YES1: variants seen among roughly 807,000 people sequenced by gnomAD.
YES1 encodes the protein tyrosine-protein kinase Yes.
A neutral mutation model predicts 70.4 loss-of-function variants in YES1; 39 were observed. The observed-to-expected ratio is 0.55, with a 90% confidence interval of 0.43 to 0.72. The LOEUF is 0.72. YES1 is among the 30% of genes least tolerant of loss of function. YES1 has a pLI of 0.00. For missense variants in YES1, 495 were observed against 644.8 expected, an observed-to-expected ratio of 0.77 and a Z score of 2.52; for synonymous variants, 198 against 218.6, an observed-to-expected ratio of 0.91 and a Z score of 0.83.
At chr18:746,603 CAA>C (rs1225343426) in intron 4 of YES1, among the ~76,000 whole-genome samples, 2 of 152,090 alleles carry the variant, frequency 1.3e-5, no homozygotes, top group African/African-American at 4.8e-5. Context: ...CATAGTAGAA[CAA>C]AGAGTTATTG....
intron 1 of YES1, among the ~76,000 whole-genome samples, chr18:800,268 C>G (rs1182162420): frequency 6.6e-6 from 1 of 152,196 alleles, no homozygotes; most frequent in Admixed American, 6.5e-5. Context: ...CATGTTCCTA[C>G]AATCAAAAAT....
chr18:783,916 T>C (rs1474550881), intron 1 of YES1, among the ~76,000 whole-genome samples: 1 of 152,166 alleles, frequency 6.6e-6, no homozygotes, highest in Non-Finnish European at 1.5e-5. Flanking sequence ...ACCTAGCTCA[T>C]TAATTTTTCA....
chr18:765,287 T>C (rs2145764507), intron 1 of YES1, among the ~76,000 whole-genome samples: 1 of 130,898 alleles, frequency 7.6e-6, no homozygotes, highest in South Asian at 2.4e-4. Flanking sequence ...TATATATATA[T>C]ATATATCTGT....
At chr18:761,529 T>C (rs1445483747) in intron 1 of YES1, among the ~76,000 whole-genome samples, 1 of 152,114 alleles carries the variant, frequency 6.6e-6, no homozygotes, top group African/African-American at 2.4e-5. Flanking sequence ...CCAGCTTAAT[T>C]CCTCATCCTC....
intron 8 of YES1, 60 bp downstream of exon 8, chr18:742,858 C>T (rs9961743): frequency 0.54 from 751,141 of 1,403,490 alleles, 203,121 homozygotes; most frequent in East Asian, 0.69. Flanking sequence ...TATATGCATA[C>T]AAATCAAGAC....
intron 1 of YES1, among the ~76,000 whole-genome samples, chr18:783,761 G>A (rs545808653): frequency 9.9e-5 from 15 of 151,980 alleles, no homozygotes; most frequent in Middle Eastern, 6.8e-3. Flanking sequence ...GATTACAGGC[G>A]CTGCCACCAT....
At chr18:746,136 A>T in intron 4 of YES1, 85 bp from the exon 5 acceptor site, 3 of 948,736 alleles carry the variant, frequency 3.2e-6, no homozygotes, top group Non-Finnish European at 4.9e-6. Flanking sequence ...GGACTGGGAT[A>T]GGTTTGGACG....
intron 10 of YES1, among the ~76,000 whole-genome samples, chr18:735,274 T>TA (rs1334400357): frequency 2.7e-5 from 4 of 149,986 alleles, no homozygotes; most frequent in Admixed American, 6.7e-5. Context: ...AATGAGTGGA[T>TA]AAAAAAAAAT....
At chr18:746,579 AAAGT>A (rs1346629239) in intron 4 of YES1, among the ~76,000 whole-genome samples, 10 of 152,328 alleles carry the variant, frequency 6.6e-5, no homozygotes, top group South Asian at 2.1e-4. Context: ...GACAAAACAA[AAAGT>A]AAGAAGCACC....
chr18:789,682 T>C (rs1461484667), intron 1 of YES1, among the ~76,000 whole-genome samples: 1 of 152,106 alleles, frequency 6.6e-6, no homozygotes, highest in Non-Finnish European at 1.5e-5. Context: ...CAGATACTTA[T>C]ACACCTGTTA....
intron 11 of YES1, among the ~76,000 whole-genome samples, chr18:727,366 A>G (rs1383203923): frequency 6.6e-6 from 1 of 152,184 alleles, no homozygotes; most frequent in Non-Finnish European, 1.5e-5. Context: ...TATGTATCTT[A>G]TAAATACCAT....
chr18:730,255 C>G (rs1052994525), intron 11 of YES1, among the ~76,000 whole-genome samples: 5 of 152,098 alleles, frequency 3.3e-5, no homozygotes, highest in Non-Finnish European at 5.9e-5. Context: ...GCTCGACTCC[C>G]CAGCCTCCTA....
chr18:772,109 A>G (rs1010347545), intron 1 of YES1, among the ~76,000 whole-genome samples: 2 of 151,894 alleles, frequency 1.3e-5, no homozygotes, highest in African/African-American at 2.4e-5. Context: ...GCTCACGGCA[A>G]CCTCTGCCTC....
intron 1 of YES1, among the ~76,000 whole-genome samples, chr18:796,002 A>G (rs1225460443): frequency 6.6e-6 from 1 of 152,198 alleles, no homozygotes; most frequent in Non-Finnish European, 1.5e-5. Flanking sequence ...AAACTGGGAT[A>G]TAAAAGACAA....
intron 3 of YES1, among the ~76,000 whole-genome samples, chr18:749,672 G>A (rs1568195457): frequency 2.6e-5 from 4 of 151,776 alleles, no homozygotes; most frequent in Non-Finnish European, 4.4e-5. Flanking sequence ...TGGCTAACAC[G>A]GTGAAACCCC....
intron 11 of YES1, among the ~76,000 whole-genome samples, chr18:731,505 C>T (rs1227424576): frequency 1.3e-4 from 20 of 152,138 alleles, no homozygotes; most frequent in East Asian, 1.9e-4. Flanking sequence ...ATGCAAAACC[C>T]ATAAGATTAG....
chr18:811,810 A>G, intron 1 of YES1, among the ~76,000 whole-genome samples: 1 of 152,030 alleles, frequency 6.6e-6, no homozygotes. Flanking sequence ...GGTCCACACG[A>G]CCCCAAAGAC....
chr18:798,433 T>C (rs1380351359), intron 1 of YES1, among the ~76,000 whole-genome samples: 1 of 152,162 alleles, frequency 6.6e-6, no homozygotes, highest in Non-Finnish European at 1.5e-5. Flanking sequence ...TATGAGTTTC[T>C]CCTTCTGACT....
chr18:795,912 A>AACACACACACAC (rs72204539), intron 1 of YES1, among the ~76,000 whole-genome samples: 5,101 of 144,608 alleles, frequency 0.035, 257 homozygotes, highest in African/African-American at 0.11. Flanking sequence ...CCAGAACTTA[A>AACACACACACAC]ACACACACAC....
Sources: gnomAD v4.1 joint callset for allele counts (sites outside exome capture counted in the v4.1 genomes callset) on GRCh38, gnomAD v4.1.1 for gene constraint, MANE v1.5 for transcripts, NCBI Gene and HGNC (gene_info 2026-07-23, HGNC 2026-07-21) for gene names.